KCNIP4: variants seen among roughly 807,000 people sequenced by gnomAD.
The protein encoded by KCNIP4 is Kv channel-interacting protein 4.
In KCNIP4, 12 loss-of-function variants were observed where a neutral mutation model predicts 34.0. The ratio of observed to expected loss-of-function variants is 0.35; its 90% CI spans 0.23 to 0.57. KCNIP4 has a LOEUF of 0.57. Ranked by LOEUF, KCNIP4 falls within the 20% of genes least tolerant of loss-of-function variation. The pLI is 0.83. For synonymous variants in KCNIP4, 124 were observed against 102.2 expected (o/e 1.21, Z -1.29); for missense variants, 238 against 311.7 (o/e 0.76, Z 1.78).
At chr4:21,449,561 C>T (rs994234568) in intron 1 of KCNIP4, among the ~76,000 whole-genome samples, 7 of 151,320 alleles carry the variant, frequency 4.6e-5, no homozygotes, top group African/African-American at 1.7e-4. Flanking sequence ...CTATATCCTC[C>T]CCTCCTTTAT....
intron 3 of KCNIP4, among the ~76,000 whole-genome samples, chr4:20,784,615 A>T (rs756309722): frequency 6.6e-6 from 1 of 151,784 alleles, no homozygotes; most frequent in Non-Finnish European, 1.5e-5. Context: ...TTTTTCCTAC[A>T]TTCCCTCCTT....
chr4:20,923,431 T>C (rs769604718), intron 1 of KCNIP4, among the ~76,000 whole-genome samples: 1 of 152,192 alleles, frequency 6.6e-6, no homozygotes, highest in African/African-American at 2.4e-5. Flanking sequence ...TACTGAATCA[T>C]CAATATCTTC....
At chr4:21,730,517 C>T (rs1715509275) in intron 1 of KCNIP4, among the ~76,000 whole-genome samples, 1 of 151,846 alleles carries the variant, frequency 6.6e-6, no homozygotes, top group Non-Finnish European at 1.5e-5. Context: ...CCAGTGACGG[C>T]CAGACAGGAT....
intron 1 of KCNIP4, among the ~76,000 whole-genome samples, chr4:20,931,919 A>G (rs1730515165): frequency 6.7e-6 from 1 of 148,684 alleles, no homozygotes; most frequent in African/African-American, 2.5e-5. Flanking sequence ...ATAGTCTATA[A>G]CAGTCTAATA....
chr4:20,729,215 T>G lies in KCNIP4; in HGVS notation c.*867A>C, dbSNP rs1239008030. The G allele has an allele frequency of 6.6e-6, 1 of 151,834 alleles. No homozygotes were observed. Among genetic ancestry groups the G allele is most frequent in the Non-Finnish European group, 1.5e-5 (1 of 68,016 alleles). 9.4% of individuals were successfully genotyped at this position (151,834 alleles called of 1,614,324 possible). A position where few individuals can be genotyped will look rare whatever the true frequency, so the allele number is the denominator to read the frequency against. On this transcript the variant is annotated 3_prime_UTR_variant, in exon 9 of 9. Coordinates refer to ENST00000382152, the MANE Select transcript of KCNIP4 (RefSeq NM_025221.6). The stretch of plus-strand genomic sequence containing the variant: ...TTAATGCTGTTAGGATTACTTGTTA[T>G]TAAGCATTACTATATACTGGAGGAT...
At chr4:21,605,846 T>G (rs1457293224) in intron 1 of KCNIP4, among the ~76,000 whole-genome samples, 2 of 152,096 alleles carry the variant, frequency 1.3e-5, no homozygotes, top group East Asian at 3.9e-4. Flanking sequence ...AGTTAACCAT[T>G]CCCTGACCAC....
intron 1 of KCNIP4, among the ~76,000 whole-genome samples, chr4:21,346,183 T>TTA (rs1212286795): frequency 1.1e-5 from 1 of 93,596 alleles, no homozygotes; most frequent in Non-Finnish European, 2.1e-5. Context: ...GTAATATATA[T>TTA]TATATATATA....
rs199510565 is a variant in KCNIP4, at chr4:21,234,536, C to T, written c.62-351827G>A. Among the ~76,000 whole-genome samples, 318 of 104,826 alleles carry T rather than the reference C, an allele frequency of 3.0e-3. 16 individuals are homozygous for T. In the East Asian group the frequency reaches 0.068, roughly 22 times the overall value. The allele number at this position is 104,826 out of a possible 152,430, so 68.8% of individuals were successfully genotyped here. Reference sequence around the variant, plus strand: ...CGTATATAATATATATTACATATAACGTATATAATATATATTACATATAAC... The same window carrying T: ...CGTATATAATATATATTACATATAATGTATATAATATATATTACATATAAC... On this transcript the variant is annotated intron_variant, in intron 1 of 8. Transcript: ENST00000382152.
chr4:21,658,046 G>A (rs1249847545), intron 1 of KCNIP4, among the ~76,000 whole-genome samples: 2 of 152,002 alleles, frequency 1.3e-5, no homozygotes, highest in African/African-American at 2.4e-5. Context: ...CACCATGTTG[G>A]CCAGGATTGT....
intron 1 of KCNIP4, among the ~76,000 whole-genome samples, chr4:20,984,282 G>A (rs1461950988): frequency 2.6e-5 from 4 of 152,214 alleles, no homozygotes; most frequent in Admixed American, 6.5e-5. Context: ...TGGCGAGAAG[G>A]GACACTCCTA....
intron 2 of KCNIP4, among the ~76,000 whole-genome samples, chr4:20,865,579 C>A (rs889728204): frequency 2.0e-5 from 3 of 151,756 alleles, no homozygotes; most frequent in African/African-American, 4.8e-5. Context: ...ACCTGGAGGA[C>A]CTTATGTTAA....
chr4:20,992,004 G>T (rs575374300), intron 1 of KCNIP4, among the ~76,000 whole-genome samples: 92 of 152,334 alleles, frequency 6.0e-4, no homozygotes, highest in African/African-American at 2.2e-3. Context: ...TTGGGAAACA[G>T]AACCCAGCAG....
intron 1 of KCNIP4, among the ~76,000 whole-genome samples, chr4:21,610,790 C>T (rs1038890603): frequency 6.6e-6 from 1 of 151,762 alleles, no homozygotes; most frequent in African/African-American, 2.4e-5. Context: ...AGGAAACTTA[C>T]AAACATGGTG....
intron 1 of KCNIP4, among the ~76,000 whole-genome samples, chr4:21,006,279 A>C (rs1335916598): frequency 1.3e-5 from 2 of 152,224 alleles, no homozygotes; most frequent in African/African-American, 4.8e-5. Flanking sequence ...ATGCTCCATA[A>C]ATTCTACAAA....
chr4:21,936,371 C>T (rs1227213832), intron 1 of KCNIP4, among the ~76,000 whole-genome samples: 1 of 152,108 alleles, frequency 6.6e-6, no homozygotes, highest in Admixed American at 6.6e-5. Context: ...TGGTTTTGCT[C>T]TTCCTTGTCT....
At chr4:21,454,278 T>C (rs1323476144) in intron 1 of KCNIP4, among the ~76,000 whole-genome samples, 1 of 152,146 alleles carries the variant, frequency 6.6e-6, no homozygotes, top group African/African-American at 2.4e-5. Context: ...GGGAACTTTA[T>C]TGACTACAGA....
chr4:21,539,894 G>C lies in KCNIP4; in HGVS notation c.61+408677C>G, dbSNP rs28694887. Among the ~76,000 whole-genome samples, 70 of 151,600 alleles carry C rather than the reference G, an allele frequency of 4.6e-4. 2 individuals carry two copies. The South Asian group carries it at 8.9e-3, about 19-fold the overall frequency. ...CTCGGAAGGCTGAAGCAGGAGAATC[G>C]CTTGAACCGGGAGGTGGCAGTTGCA... is the stretch of plus-strand genomic sequence containing the variant. On this transcript the variant is annotated intron_variant, in intron 1 of 8. Transcript: ENST00000382152.
intron 1 of KCNIP4, among the ~76,000 whole-genome samples, chr4:21,722,571 G>A (rs960472728): frequency 6.6e-6 from 1 of 152,130 alleles, no homozygotes; most frequent in Non-Finnish European, 1.5e-5. Context: ...GTTAGGATAT[G>A]CAGATTTAAT....
chr4:21,148,624 CA>C (rs766469577), intron 1 of KCNIP4, among the ~76,000 whole-genome samples: 3 of 150,786 alleles, frequency 2.0e-5, no homozygotes, highest in Non-Finnish European at 4.4e-5. Context: ...TTTCCTGTAT[CA>C]GTTCAAAAAA....
Sources: allele counts gnomAD v4.1 joint callset (sites outside exome capture counted in the v4.1 genomes callset), GRCh38; gene constraint gnomAD v4.1.1; transcripts MANE v1.5; gene names NCBI Gene and HGNC (gene_info 2026-07-23, HGNC 2026-07-21).